Variants in ADGRB3 observed in about 807,000 individuals in gnomAD.
ADGRB3 encodes adhesion G protein-coupled receptor B3, also known as brain-specific angiogenesis inhibitor 3.
ADGRB3 carries 37 observed loss-of-function variants against 193.4 expected under a neutral mutation model. The ratio of observed to expected loss-of-function variants is 0.19; its 90% CI spans 0.15 to 0.25. ADGRB3 has a LOEUF of 0.25. Ranked by LOEUF, ADGRB3 falls within the 10% of genes least tolerant of loss-of-function variation. The probability of loss-of-function intolerance (pLI) is 1.00; values close to 1 mark genes in which losing one functional copy is unlikely to be tolerated. For missense variants in ADGRB3, 1,637 were observed against 1,852.9 expected, an observed-to-expected ratio of 0.88 and a Z score of 2.14; for synonymous variants, 690 against 644.2, an observed-to-expected ratio of 1.07 and a Z score of -1.08.
chr6:69,018,472 A>C lies in ADGRB3; in HGVS notation c.2080A>C (p.Asn694His), dbSNP rs537609691. The change falls in exon 13 of 32, where the codon AAT becomes CAT. Residue 694 changes from asparagine to histidine, a missense_variant. Coordinates refer to ENST00000370598, the MANE Select transcript of ADGRB3 (RefSeq NM_001704.3). ...TGGAATGGGGATGATGGACTTTCAG[A>C]ATTCATACTTAATGACTGGAAATGT... ...IVGMGMMDFQNSYLMTGNVVA... is the reference protein window; with the variant it reads ...IVGMGMMDFQHSYLMTGNVVA... 6.2e-7 allele frequency: 1 copy of C among 1,606,760 alleles called. No individual in the cohort carries two copies. The highest frequency in any genetic ancestry group is 2.2e-5 in the East Asian group (1 of 44,660).
At chr6:68,841,602 C>T (rs520391) in intron 3 of ADGRB3, among the ~76,000 whole-genome samples, 13,399 of 152,008 alleles carry the variant, frequency 0.088, 671 homozygotes, top group African/African-American at 0.12. Flanking sequence ...TGGGATATAG[C>T]GAAGCAGCAC....
At position 69,180,853 on chromosome 6, in the gene ADGRB3, C is replaced by T. The variant is rs1012760199; in HGVS notation, c.2481-52437C>T. On this transcript the variant is annotated intron_variant, in intron 17 of 31. Coordinates refer to ENST00000370598, the MANE Select transcript of ADGRB3 (RefSeq NM_001704.3). ...CTGCATGACCAGCCTGCTGGATCAC[C>T]ACAGAATGGCTGATTTTGTATGCCC... 2.0e-5 allele frequency among the ~76,000 whole-genome samples: 3 copies of T among 152,224 alleles called. 1 individual carries two copies. The highest frequency in any genetic ancestry group is 2.0e-4 in the Admixed American group (3 of 15,282).
chr6:69,132,302 T>C (rs1367273137), intron 17 of ADGRB3, among the ~76,000 whole-genome samples: 1 of 152,208 alleles, frequency 6.6e-6, no homozygotes, highest in African/African-American at 2.4e-5. Flanking sequence ...TCCTGACTTT[T>C]TAATGATTGC....
At chr6:69,129,012 C>G (rs983705194) in intron 17 of ADGRB3, among the ~76,000 whole-genome samples, 1 of 152,110 alleles carries the variant, frequency 6.6e-6, no homozygotes, top group African/African-American at 2.4e-5. Flanking sequence ...TTTTAGTAAG[C>G]CTTTCTTAGG....
chr6:69,339,421 A>G lies in ADGRB3; in HGVS notation c.3376A>G (p.Ile1126Val). The change falls in exon 26 of 32, where the codon ATA becomes GTA. Residue 1126 changes from isoleucine to valine, a missense_variant. Coordinates refer to ENST00000370598, the MANE Select transcript of ADGRB3 (RefSeq NM_001704.3). ...AVLAMTDKRS[I>V]LFQILFAVFD... ...TCTGGCCATGACAGATAAACGCTCC[A>G]TATTGTTTCAAATACTTTTTGCTGT... 1 of 1,614,062 alleles carries G rather than the reference A, an allele frequency of 6.2e-7. No homozygotes were observed. The highest frequency in any genetic ancestry group is 8.5e-7 in the Non-Finnish European group (1 of 1,179,940).
rs906322037 is a variant in ADGRB3 at position 68,999,326 on chromosome 6, G to A, written c.1929+5364G>A. ...GTCGCCCAGGCTGGAGATCAGTGGC[G>A]AGATCTTCGCTCACTGCAAGCTCTG... On this transcript the variant is annotated intron_variant, in intron 11 of 31. Transcript: ENST00000370598. 1.1e-4 allele frequency among the ~76,000 whole-genome samples: 16 copies of A among 149,050 alleles called. 1 individual carries two copies. Among genetic ancestry groups the A allele is most frequent in the Non-Finnish European group, 4.4e-5 (3 of 67,610 alleles).
intron 3 of ADGRB3, among the ~76,000 whole-genome samples, chr6:68,660,254 T>A (rs1316148785): frequency 6.7e-6 from 1 of 149,530 alleles, no homozygotes; most frequent in South Asian, 2.1e-4. Context: ...ATATTTCATA[T>A]AAGTACAGTA....
chr6:68,673,984 A>G (rs991414580), intron 3 of ADGRB3, among the ~76,000 whole-genome samples: 11 of 152,182 alleles, frequency 7.2e-5, no homozygotes, highest in African/African-American at 2.7e-4. Flanking sequence ...TAAAATAATT[A>G]GATTTCTTAT....
chr6:68,691,930 A>G (rs1765083907), intron 3 of ADGRB3, among the ~76,000 whole-genome samples: 1 of 151,702 alleles, frequency 6.6e-6, no homozygotes, highest in African/African-American at 2.4e-5. Flanking sequence ...ATAAATTTCA[A>G]ATACATTTTA....
At chr6:69,157,454 C>A (rs1440781986) in intron 17 of ADGRB3, among the ~76,000 whole-genome samples, 2 of 152,102 alleles carry the variant, frequency 1.3e-5, no homozygotes, top group East Asian at 1.9e-4. Context: ...CTGCTATTTG[C>A]TTCTTAACCA....
At chr6:68,700,008 G>C (rs1343634049) in intron 3 of ADGRB3, among the ~76,000 whole-genome samples, 1 of 152,060 alleles carries the variant, frequency 6.6e-6, no homozygotes, top group East Asian at 1.9e-4. Flanking sequence ...AACCATATTA[G>C]GGAATCTGTA....
intron 3 of ADGRB3, among the ~76,000 whole-genome samples, chr6:68,820,426 G>A (rs1020254440): frequency 2.0e-5 from 3 of 151,916 alleles, no homozygotes; most frequent in Non-Finnish European, 2.9e-5. Context: ...GATGGAGAAT[G>A]TGTAACGGTC....
intron 17 of ADGRB3, among the ~76,000 whole-genome samples, chr6:69,147,170 T>C (rs1774527169): frequency 6.6e-6 from 1 of 152,160 alleles, no homozygotes; most frequent in Non-Finnish European, 1.5e-5. Context: ...TTATTATTTC[T>C]TTTCTTCTAC....
intron 17 of ADGRB3, among the ~76,000 whole-genome samples, chr6:69,179,565 G>A (rs1045537778): frequency 1.3e-5 from 2 of 152,170 alleles, no homozygotes; most frequent in Non-Finnish European, 2.9e-5. Context: ...TTTTCATGGT[G>A]CCAGAATTCT....
chr6:69,340,090 A>G (rs568691461), intron 26 of ADGRB3, among the ~76,000 whole-genome samples: 92 of 152,298 alleles, frequency 6.0e-4, no homozygotes, highest in South Asian at 4.3e-3. Flanking sequence ...ATACAGTGAG[A>G]CATGATAGGC....
At chr6:69,059,559 T>C (rs1771658748) in intron 15 of ADGRB3, among the ~76,000 whole-genome samples, 1 of 152,164 alleles carries the variant, frequency 6.6e-6, no homozygotes, top group Admixed American at 6.6e-5. Context: ...CAGAAAATAA[T>C]TTTATTATTT....
chr6:69,052,659 T>A (rs1331266357), intron 15 of ADGRB3, among the ~76,000 whole-genome samples: 1 of 152,250 alleles, frequency 6.6e-6, no homozygotes, highest in Non-Finnish European at 1.5e-5. Context: ...TTTTGCATGT[T>A]GACTCTCTCT....
intron 20 of ADGRB3, among the ~76,000 whole-genome samples, chr6:69,292,891 C>T (rs889793951): frequency 3.3e-5 from 5 of 150,506 alleles, no homozygotes; most frequent in African/African-American, 7.4e-5. Flanking sequence ...CACAACAGTC[C>T]GCAGAGTTTG....
At chr6:68,901,979 C>T (rs1020054504) in intron 3 of ADGRB3, among the ~76,000 whole-genome samples, 8 of 151,878 alleles carry the variant, frequency 5.3e-5, no homozygotes, top group Admixed American at 3.3e-4. Context: ...TAGCTGGAAG[C>T]CGTCTTGTTC....
Sources: gnomAD v4.1 joint callset for allele counts (sites outside exome capture counted in the v4.1 genomes callset) on GRCh38, gnomAD v4.1.1 for gene constraint, MANE v1.5 for transcripts, NCBI Gene and HGNC (gene_info 2026-07-23, HGNC 2026-07-21) for gene names.